Variants in KCNIP4 observed in about 807,000 individuals in gnomAD.
KCNIP4 encodes the protein potassium voltage-gated channel interacting protein 4.
In KCNIP4, 12 loss-of-function variants were observed where a neutral mutation model predicts 34.0. The observed-to-expected ratio is 0.35, with a 90% CI of 0.23 to 0.57. The LOEUF is 0.57. Among genes scored for constraint, KCNIP4 ranks in the 20% least tolerant of loss-of-function variants. The probability of loss-of-function intolerance (pLI) is 0.83; values close to 1 mark genes in which losing one functional copy is unlikely to be tolerated. For synonymous variants in KCNIP4, 124 were observed against 102.2 expected, an observed-to-expected ratio of 1.21 and a Z score of -1.29; for missense variants, 238 against 311.7, an observed-to-expected ratio of 0.76 and a Z score of 1.78.
intron 1 of KCNIP4, among the ~76,000 whole-genome samples, chr4:21,247,125 A>C (rs915264078): frequency 1.3e-5 from 2 of 152,196 alleles, no homozygotes; most frequent in Non-Finnish European, 2.9e-5. Flanking sequence ...GTATAAAAGA[A>C]TTTCAGAGTT....
Position 20,797,594 on chromosome 4 carries a change from C to T in KCNIP4, c.289-38704G>A, listed in dbSNP as rs918322039. Among the ~76,000 whole-genome samples the T allele has an allele frequency of 2.6e-5, 4 of 152,090 alleles. No homozygotes were observed. The East Asian group carries it at 7.7e-4, about 29-fold the overall frequency. ...GTGGGTGCGACTTAATCACATGAGACCTTTAAAAGTAGAGCATTTTATCTG... is the reference window on the plus strand; with the variant it reads ...GTGGGTGCGACTTAATCACATGAGATCTTTAAAAGTAGAGCATTTTATCTG... On this transcript the variant is annotated intron_variant, in intron 3 of 8. Coordinates refer to ENST00000382152, the MANE Select transcript of KCNIP4 (RefSeq NM_025221.6).
intron 1 of KCNIP4, among the ~76,000 whole-genome samples, chr4:20,994,520 G>C (rs1281268306): frequency 6.6e-6 from 1 of 152,158 alleles, no homozygotes; most frequent in Non-Finnish European, 1.5e-5. Context: ...TATTAAAAAG[G>C]GAACACTAAA....
At chr4:20,991,096 T>G (rs1239318703) in intron 1 of KCNIP4, among the ~76,000 whole-genome samples, 1 of 152,166 alleles carries the variant, frequency 6.6e-6, no homozygotes, top group Non-Finnish European at 1.5e-5. Context: ...GTGTTAGCAG[T>G]TGAGGAGCTG....
intron 1 of KCNIP4, among the ~76,000 whole-genome samples, chr4:21,486,298 C>G (rs893608641): frequency 4.3e-4 from 66 of 152,192 alleles, no homozygotes; most frequent in African/African-American, 1.4e-3. Context: ...CAGCACAGAG[C>G]CTTAGAAGTA....
intron 1 of KCNIP4, among the ~76,000 whole-genome samples, chr4:21,601,289 C>T (rs1743127457): frequency 6.6e-6 from 1 of 152,024 alleles, no homozygotes; most frequent in African/African-American, 2.4e-5. Flanking sequence ...TTTCAACATC[C>T]ATGCAATTAA....
intron 1 of KCNIP4, among the ~76,000 whole-genome samples, chr4:21,689,940 C>T (rs1751134103): frequency 6.6e-6 from 1 of 151,702 alleles, no homozygotes. Flanking sequence ...AACATTAGCC[C>T]CAAATAAAGA....
At chr4:20,994,854 T>C (rs994064736) in intron 1 of KCNIP4, among the ~76,000 whole-genome samples, 1 of 152,196 alleles carries the variant, frequency 6.6e-6, no homozygotes, top group Non-Finnish European at 1.5e-5. Context: ...GCTCTGAACA[T>C]GAGAAAGCCA....
intron 3 of KCNIP4, among the ~76,000 whole-genome samples, chr4:20,834,834 A>C (rs1040427269): frequency 1.3e-5 from 2 of 152,172 alleles, no homozygotes; most frequent in Non-Finnish European, 2.9e-5. Context: ...CATGAAATTG[A>C]AAGAAGCCCA....
rs1294458682 is a variant in KCNIP4 at position 21,234,490 on chromosome 4, T to A, written c.62-351781A>T. On this transcript the variant is annotated intron_variant, in intron 1 of 8. Transcript: ENST00000382152. ...TATAATATATAGTACATATAACGTA[T>A]ATAATATATATTACATATAACGTAT... 1.6e-5 allele frequency among the ~76,000 whole-genome samples: 2 copies of A among 125,202 alleles called. 1 individual carries two copies. Among genetic ancestry groups the A allele is most frequent in the East Asian group, 4.3e-4 (2 of 4,656 alleles). The allele number at this position is 125,202 out of a possible 152,430, so 82.1% of individuals were successfully genotyped here.
intron 1 of KCNIP4, chr4:21,848,946 A>ATGTGTGTGTGTGTG (rs58096642): frequency 1.5e-4 from 19 of 128,538 alleles, no homozygotes; most frequent in Middle Eastern, 4.1e-3. Flanking sequence ...ATATACATAT[A>ATGTGTGTGTGTGTG]TGTGTGTGTG....
chr4:21,865,139 A>C (rs2137651), intron 1 of KCNIP4, among the ~76,000 whole-genome samples: 148,842 of 152,062 alleles, frequency 0.98, 72,932 homozygotes, highest in East Asian at 1. Flanking sequence ...AAAAAAAGCT[A>C]ATTGATGAGA....
chr4:21,810,248 G>A (rs2109268370), intron 1 of KCNIP4, among the ~76,000 whole-genome samples: 1 of 152,238 alleles, frequency 6.6e-6, no homozygotes, highest in Non-Finnish European at 1.5e-5. Flanking sequence ...CATAAAACAA[G>A]AACAATGCAT....
At chr4:21,811,966 G>A (rs960229830) in intron 1 of KCNIP4, among the ~76,000 whole-genome samples, 2 of 152,152 alleles carry the variant, frequency 1.3e-5, no homozygotes, top group African/African-American at 4.8e-5. Context: ...ACTGTTTGAT[G>A]AGCTACACCA....
chr4:21,357,457 TAAAC>T (rs1432579165), intron 1 of KCNIP4, among the ~76,000 whole-genome samples: 1 of 151,922 alleles, frequency 6.6e-6, no homozygotes, highest in Non-Finnish European at 1.5e-5. Context: ...AAAGAGAACT[TAAAC>T]AAATTTACAA....
chr4:21,611,403 A>G (rs1744147287), intron 1 of KCNIP4, among the ~76,000 whole-genome samples: 2 of 152,170 alleles, frequency 1.3e-5, no homozygotes, highest in Admixed American at 1.3e-4. Context: ...TCTCAAGAAC[A>G]GCATGGGGGA....
intron 1 of KCNIP4, among the ~76,000 whole-genome samples, chr4:21,417,441 G>A (rs1725058408): frequency 6.6e-6 from 1 of 152,118 alleles, no homozygotes; most frequent in Admixed American, 6.5e-5. Flanking sequence ...AATCTGTGTG[G>A]TTATGTCTGA....
intron 1 of KCNIP4, among the ~76,000 whole-genome samples, chr4:21,192,966 A>AATT (rs1560797691): frequency 2.9e-5 from 4 of 139,612 alleles, no homozygotes; most frequent in Non-Finnish European, 3.0e-5. Flanking sequence ...TAATAATAAT[A>AATT]ATTAGTTGGG....
chr4:20,743,411 C>A (rs1405769374), intron 5 of KCNIP4, among the ~76,000 whole-genome samples: 1 of 152,068 alleles, frequency 6.6e-6, no homozygotes, highest in Non-Finnish European at 1.5e-5. Context: ...GGTACTGGTA[C>A]CAAAACAGAG....
chr4:21,519,663 TACACGTGTGTGTATGTATGTGTATATAC>T (rs1560480537), intron 1 of KCNIP4, among the ~76,000 whole-genome samples: 17 of 118,454 alleles, frequency 1.4e-4, no homozygotes, highest in South Asian at 6.2e-4. Context: ...TGTGTATATA[TACACGTGTGTGTATGTATGTGTATATAC>T]ACACGTGTGT....
Sources: allele counts gnomAD v4.1 joint callset (sites outside exome capture counted in the v4.1 genomes callset), GRCh38; gene constraint gnomAD v4.1.1; transcripts MANE v1.5; gene names NCBI Gene and HGNC (gene_info 2026-07-23, HGNC 2026-07-21).